The following NYAP2 variants were observed in gnomAD, a reference collection of about 807,000 sequenced individuals.
NYAP2 encodes neuronal tyrosine-phosphorylated phosphoinositide-3-kinase adaptor 2.
Under a neutral mutation model 50.4 loss-of-function variants are expected in NYAP2, and 23 were observed. The observed-to-expected ratio is 0.46, with a 90% CI of 0.33 to 0.65. The LOEUF (loss-of-function observed/expected upper bound fraction) is 0.65. Among genes scored for constraint, NYAP2 ranks in the 30% least tolerant of loss-of-function variants. The probability of loss-of-function intolerance (pLI) is 0.02; values close to 1 mark genes in which losing one functional copy is unlikely to be tolerated. For missense variants in NYAP2, 885 were observed against 861.0 expected, an observed-to-expected ratio of 1.03 and a Z score of -0.35; for synonymous variants, 394 against 365.2, an observed-to-expected ratio of 1.08 and a Z score of -0.90.
chr2:225,641,846 T>C (rs1293984284), intron 6 of NYAP2, among the ~76,000 whole-genome samples: 1 of 151,628 alleles, frequency 6.6e-6, no homozygotes, highest in Non-Finnish European at 1.5e-5. Flanking sequence ...AACTAGTCAA[T>C]GTAATTTAGA....
chr2:225,582,655 C>T lies in NYAP2; in HGVS notation c.1238C>T (p.Ser413Leu), dbSNP rs186778268. ...TCTGCCACCCCTGCGCTCTCCTCGT[C>T]GCCCCCACCCCCGTCTACGCTGTAC... Residue 413 changes from serine (S) to leucine (L), a missense_variant, in exon 5 of 7, where the codon TCG becomes TTG. Physicochemically the swap from Ser to Leu is moderately radical, Grantham distance 145 (BLOSUM62 -2). Coordinates refer to ENST00000636099, the Ensembl canonical transcript of NYAP2. The surrounding 1 kb of genome is among the most constrained non-coding windows in gnomAD (Gnocchi z 7.0). 4 of 1,595,640 alleles carry T rather than the reference C, an allele frequency of 2.5e-6. No homozygotes were observed. Among genetic ancestry groups the T allele is most frequent in the East Asian group, 2.3e-5 (1 of 44,058 alleles).
intron 3 of NYAP2, among the ~76,000 whole-genome samples, chr2:225,419,315 A>G (rs776610695): frequency 1.3e-5 from 2 of 152,254 alleles, no homozygotes; most frequent in Non-Finnish European, 2.9e-5. Flanking sequence ...TGTTCACTTA[A>G]GACATTTCTG....
At chr2:225,554,454 G>T (rs949579718) in intron 4 of NYAP2, among the ~76,000 whole-genome samples, 1 of 151,784 alleles carries the variant, frequency 6.6e-6, no homozygotes, top group African/African-American at 2.4e-5. Flanking sequence ...CTGAGTAGCT[G>T]GGATTACAGG....
chr2:225,434,760 A>G (rs755990334), intron 3 of NYAP2, among the ~76,000 whole-genome samples: 5 of 152,194 alleles, frequency 3.3e-5, no homozygotes, highest in Non-Finnish European at 7.3e-5. Flanking sequence ...AATGTGTTGG[A>G]CACGTTTCAT....
the NYAP2 span, among the ~76,000 whole-genome samples, chr2:225,689,467 T>C: frequency 6.6e-6 from 1 of 152,202 alleles, no homozygotes; most frequent in Non-Finnish European, 1.5e-5. Context: ...AGACTGTACA[T>C]CACAGGTGAT....
chr2:225,406,078 TACTC>T (rs1694934994), intron 2 of NYAP2, among the ~76,000 whole-genome samples: 1 of 151,802 alleles, frequency 6.6e-6, no homozygotes, highest in Non-Finnish European at 1.5e-5. Context: ...TCTAACTCAA[TACTC>T]ACAACAAGGG....
chr2:225,431,635 C>T (rs1287752107), intron 3 of NYAP2, among the ~76,000 whole-genome samples: 1 of 151,460 alleles, frequency 6.6e-6, no homozygotes, highest in African/African-American at 2.4e-5. Flanking sequence ...TTCCTCTGAA[C>T]TCTCTCTCTC....
At chr2:225,441,280 T>C (rs1689466889) in intron 3 of NYAP2, among the ~76,000 whole-genome samples, 1 of 152,102 alleles carries the variant, frequency 6.6e-6, no homozygotes, top group Admixed American at 6.6e-5. Context: ...ACTGGGAAAA[T>C]GATAGAATAG....
At chr2:225,464,671 A>G (rs1420028264) in intron 3 of NYAP2, among the ~76,000 whole-genome samples, 1 of 152,222 alleles carries the variant, frequency 6.6e-6, no homozygotes, top group Middle Eastern at 3.2e-3. Context: ...TCTGATACTT[A>G]TAAGTGTACA....
intron 5 of NYAP2, among the ~76,000 whole-genome samples, chr2:225,596,392 C>A (rs1692597916): frequency 6.6e-6 from 1 of 152,116 alleles, no homozygotes; most frequent in African/African-American, 2.4e-5. Flanking sequence ...CATACTGAGT[C>A]TTTTTTATTG....
At chr2:225,649,967 G>GA (rs1271488688) in intron 6 of NYAP2, among the ~76,000 whole-genome samples, 4 of 152,120 alleles carry the variant, frequency 2.6e-5, no homozygotes, top group African/African-American at 7.2e-5. Flanking sequence ...GAAGTACAGA[G>GA]AAAACACTAT....
chr2:225,554,793 A>G (rs550481105), intron 4 of NYAP2, among the ~76,000 whole-genome samples: 4 of 152,170 alleles, frequency 2.6e-5, no homozygotes, highest in Non-Finnish European at 5.9e-5. Context: ...CTAAATAAGT[A>G]GCTTATAGCT....
intron 3 of NYAP2, among the ~76,000 whole-genome samples, chr2:225,462,349 C>G (rs530900382): frequency 6.6e-6 from 1 of 152,236 alleles, no homozygotes; most frequent in South Asian, 2.1e-4. Context: ...TCATTTTGCA[C>G]TTTCTTTCTG....
chr2:225,645,553 A>T (rs1037485300), intron 6 of NYAP2, among the ~76,000 whole-genome samples: 7 of 150,638 alleles, frequency 4.6e-5, no homozygotes, highest in African/African-American at 1.5e-4. Flanking sequence ...TTTACACTTG[A>T]TCTTCACTAA....
the NYAP2 span, among the ~76,000 whole-genome samples, chr2:225,678,836 T>C: frequency 6.6e-6 from 1 of 152,250 alleles, no homozygotes; most frequent in South Asian, 2.1e-4. Context: ...CTGGCTCAAT[T>C]ATCCCCTTGC....
intron 3 of NYAP2, among the ~76,000 whole-genome samples, chr2:225,449,425 G>T (rs1689613015): frequency 1.3e-5 from 2 of 152,098 alleles, no homozygotes; most frequent in Non-Finnish European, 2.9e-5. Flanking sequence ...TTAAGAATAT[G>T]ACAGCTGATT....
intron 6 of NYAP2, among the ~76,000 whole-genome samples, chr2:225,639,445 T>C (rs112350201): frequency 4.8e-4 from 73 of 152,186 alleles, no homozygotes; most frequent in Non-Finnish European, 9.6e-4. Flanking sequence ...TGTGCATCAG[T>C]GGGCTGGTAT....
intron 3 of NYAP2, among the ~76,000 whole-genome samples, chr2:225,455,573 C>T (rs1689726989): frequency 6.6e-6 from 1 of 152,068 alleles, no homozygotes; most frequent in African/African-American, 2.4e-5. Flanking sequence ...ATAAAAATGT[C>T]CCTGATTTTA....
downstream of NYAP2, among the ~76,000 whole-genome samples, chr2:225,656,687 GA>G (rs1431411504): frequency 1.3e-5 from 2 of 152,130 alleles, no homozygotes; most frequent in Non-Finnish European, 2.9e-5. Flanking sequence ...CTTAAAAAAA[GA>G]AGATAGACAA....
Sources: allele counts gnomAD v4.1 joint callset (sites outside exome capture counted in the v4.1 genomes callset), GRCh38; gene constraint gnomAD v4.1.1; non-coding constraint Gnocchi (gnomAD v3.1); transcripts MANE v1.5; gene names NCBI Gene and HGNC (gene_info 2026-07-23, HGNC 2026-07-21).